The following RBFOX1 variants were observed in gnomAD, a reference collection of about 807,000 sequenced individuals.
RBFOX1 encodes RNA binding fox-1 homolog 1.
RBFOX1 carries 8 observed loss-of-function variants against 57.7 expected under a neutral mutation model. The observed-to-expected ratio is 0.14, with a 90% confidence interval of 0.08 to 0.25. The LOEUF is 0.25. Ranked by LOEUF, RBFOX1 falls within the 10% of genes least tolerant of loss-of-function variation. RBFOX1 has a pLI of 1.00. For synonymous variants in RBFOX1, 326 were observed against 222.4 expected (o/e 1.47, Z -4.15); for missense variants, 611 against 548.5 (o/e 1.11, Z -1.14).
chr16:7,189,405 G>T (rs181809032), intron 4 of RBFOX1, among the ~76,000 whole-genome samples: 23 of 123,488 alleles, frequency 1.9e-4, no homozygotes, highest in Admixed American at 8.9e-4. Context: ...CAGCCTGGGC[G>T]ACAGAGCGAG....
chr16:7,181,116 T>A (rs1386768132), intron 4 of RBFOX1, among the ~76,000 whole-genome samples: 1 of 152,200 alleles, frequency 6.6e-6, no homozygotes, highest in African/African-American at 2.4e-5. Context: ...ACCAGGGATT[T>A]GGAGATAGGC....
At chr16:6,656,275 G>A (rs778527224) in intron 3 of RBFOX1, among the ~76,000 whole-genome samples, 14 of 152,114 alleles carry the variant, frequency 9.2e-5, no homozygotes, top group Non-Finnish European at 2.1e-4. Flanking sequence ...GGACTTTTAT[G>A]GAATTCATCA....
intron 4 of RBFOX1, among the ~76,000 whole-genome samples, chr16:5,976,243 C>G (rs1335655329): frequency 6.6e-6 from 1 of 152,136 alleles, no homozygotes; most frequent in African/African-American, 2.4e-5. Context: ...TTGTTAGTAG[C>G]AAGTAGCATA....
intron 1 of RBFOX1, among the ~76,000 whole-genome samples, chr16:5,325,988 C>T (rs2049697): frequency 2.6e-5 from 4 of 152,196 alleles, no homozygotes; most frequent in African/African-American, 9.7e-5. Flanking sequence ...GGAGTATTTA[C>T]GTGTCTTTAA....
chr16:6,475,756 C>G (rs776898557), intron 2 of RBFOX1, among the ~76,000 whole-genome samples: 1 of 152,056 alleles, frequency 6.6e-6, no homozygotes, highest in Non-Finnish European at 1.5e-5. Context: ...GTGGAGCTTG[C>G]TTTGTGCTTT....
At chr16:5,240,662 A>G (rs2062142921) in intron 1 of RBFOX1, among the ~76,000 whole-genome samples, 1 of 152,078 alleles carries the variant, frequency 6.6e-6, no homozygotes, top group South Asian at 2.1e-4. Flanking sequence ...CATCCCAGAA[A>G]TCGCTCTCCT....
chr16:5,565,580 G>A (rs978281291), intron 2 of RBFOX1, among the ~76,000 whole-genome samples: 4 of 151,902 alleles, frequency 2.6e-5, no homozygotes, highest in African/African-American at 7.3e-5. Context: ...AGCTGAGATC[G>A]TGCCACTGTA....
chr16:7,334,507 A>G (rs1204044587), intron 4 of RBFOX1, among the ~76,000 whole-genome samples: 1 of 152,112 alleles, frequency 6.6e-6, no homozygotes, highest in African/African-American at 2.4e-5. Flanking sequence ...TTACAGGCAA[A>G]TCGTGGCCTT....
chr16:5,949,385 G>A (rs2152274468), intron 4 of RBFOX1, among the ~76,000 whole-genome samples: 1 of 151,952 alleles, frequency 6.6e-6, no homozygotes, highest in South Asian at 2.1e-4. Flanking sequence ...AATTAGCCTG[G>A]CATGGTGGTG....
At chr16:6,843,576 C>G (rs545270774) in intron 3 of RBFOX1, among the ~76,000 whole-genome samples, 22 of 152,200 alleles carry the variant, frequency 1.4e-4, no homozygotes, top group South Asian at 6.2e-4. Context: ...GTAGTCCCAG[C>G]TACTCAGGAC....
chr16:6,962,944 C>G (rs916456386), intron 3 of RBFOX1, among the ~76,000 whole-genome samples: 1 of 152,070 alleles, frequency 6.6e-6, no homozygotes, highest in Non-Finnish European at 1.5e-5. Context: ...GTTGTTGGAT[C>G]TTGCTTTGAT....
At chr16:7,185,268 G>A (rs2083485043) in intron 4 of RBFOX1, among the ~76,000 whole-genome samples, 1 of 152,060 alleles carries the variant, frequency 6.6e-6, no homozygotes, top group South Asian at 2.1e-4. Context: ...AATTGAAGGA[G>A]GTGTTTGCAC....
At chr16:7,138,104 A>G (rs770844699) in intron 4 of RBFOX1, among the ~76,000 whole-genome samples, 5 of 152,148 alleles carry the variant, frequency 3.3e-5, no homozygotes, top group Non-Finnish European at 5.9e-5. Flanking sequence ...AGAGATTCGT[A>G]TCACAGCCAA....
intron 4 of RBFOX1, among the ~76,000 whole-genome samples, chr16:7,318,694 AGTGGCTTCTGGACTTCTGC>A: frequency 1.3e-5 from 2 of 152,180 alleles, no homozygotes; most frequent in African/African-American, 4.8e-5. Context: ...AAAGGTACCT[AGTGGCTTCTGGACTTCTGC>A]TATATTCTTG....
chr16:7,166,709 A>T (rs2079573398), intron 4 of RBFOX1, among the ~76,000 whole-genome samples: 1 of 152,074 alleles, frequency 6.6e-6, no homozygotes, highest in African/African-American at 2.4e-5. Context: ...ATGCACTAGG[A>T]TGACTCTAAC....
At chr16:7,555,835 C>G (rs2152588504) in intron 5 of RBFOX1, among the ~76,000 whole-genome samples, 1 of 152,278 alleles carries the variant, frequency 6.6e-6, no homozygotes, top group South Asian at 2.1e-4. Flanking sequence ...CGGTCCCTTC[C>G]TCCTGCTCAG....
chr16:7,313,820 C>T (rs750554315), intron 4 of RBFOX1, among the ~76,000 whole-genome samples: 8 of 152,102 alleles, frequency 5.3e-5, no homozygotes, highest in Admixed American at 6.6e-5. Flanking sequence ...GCCCCAGAAC[C>T]GACACTTAGA....
chr16:7,531,803 C>T (rs2080146853), intron 5 of RBFOX1, among the ~76,000 whole-genome samples: 1 of 152,126 alleles, frequency 6.6e-6, no homozygotes, highest in South Asian at 2.1e-4. Flanking sequence ...ATGATAATAT[C>T]ATTACAGGCA....
intron 2 of RBFOX1, among the ~76,000 whole-genome samples, chr16:6,598,737 G>C (rs9925670): frequency 1.3e-5 from 2 of 152,000 alleles, no homozygotes; most frequent in Non-Finnish European, 1.5e-5. Flanking sequence ...CACGAGGTTG[G>C]GAGTTCGAGA....
Sources: gnomAD v4.1 joint callset for allele counts (sites outside exome capture counted in the v4.1 genomes callset) on GRCh38, gnomAD v4.1.1 for gene constraint, MANE v1.5 for transcripts, NCBI Gene and HGNC (gene_info 2026-07-23, HGNC 2026-07-21) for gene names.